Variants in TBCK observed in about 807,000 individuals in gnomAD.
The protein encoded by TBCK is TBC domain-containing protein kinase-like protein.
TBCK carries 99 observed loss-of-function variants against 113.4 expected under a neutral mutation model. That is an observed-to-expected ratio of 0.87 (90% CI 0.74 to 1.03). The LOEUF (loss-of-function observed/expected upper bound fraction) is 1.03. Among genes scored for constraint, TBCK ranks in the 50% least tolerant of loss-of-function variants. The probability of loss-of-function intolerance (pLI) is 0.00; values close to 1 mark genes in which losing one functional copy is unlikely to be tolerated. For synonymous variants in TBCK, 369 were observed against 370.8 expected (o/e 1.00, Z 0.05); for missense variants, 1,045 against 1,061.3 (o/e 0.98, Z 0.21).
chr4:106,229,506 G>GTA (rs1758617856), intron 19 of TBCK, among the ~76,000 whole-genome samples: 2 of 151,848 alleles, frequency 1.3e-5, no homozygotes, highest in South Asian at 4.1e-4. Flanking sequence ...GAGACTTTAA[G>GTA]AACAGTGAAT....
chr4:106,219,816 G>A (rs1282605883), intron 19 of TBCK, among the ~76,000 whole-genome samples: 1 of 151,910 alleles, frequency 6.6e-6, no homozygotes, highest in Non-Finnish European at 1.5e-5. Context: ...TGAGATTACA[G>A]GTGACAACCT....
chr4:106,128,752 A>G (rs1038363926), intron 23 of TBCK, among the ~76,000 whole-genome samples: 1 of 152,162 alleles, frequency 6.6e-6, no homozygotes, highest in Non-Finnish European at 1.5e-5. Flanking sequence ...AATAAATCAT[A>G]TTTTCTATTT....
intron 23 of TBCK, among the ~76,000 whole-genome samples, chr4:106,135,805 ACTAGTCT>A (rs1033269748): frequency 4.2e-5 from 6 of 141,632 alleles, no homozygotes; most frequent in African/African-American, 5.0e-5. Context: ...CAATGGAGAG[ACTAGTCT>A]CACTGAATTG....
At chr4:106,068,273 G>A (rs564424233) in intron 25 of TBCK, among the ~76,000 whole-genome samples, 4 of 152,088 alleles carry the variant, frequency 2.6e-5, no homozygotes, top group Admixed American at 1.3e-4. Flanking sequence ...TTTACATTAG[G>A]TATTTCTCCT....
chr4:106,079,748 T>G (rs1057087935), intron 25 of TBCK, among the ~76,000 whole-genome samples: 23 of 152,286 alleles, frequency 1.5e-4, no homozygotes, highest in African/African-American at 5.5e-4. Context: ...TGCCTGAGAC[T>G]GGGTATTCAT....
Position 106,236,335 on chromosome 4 carries a change from TA to T in TBCK, c.1350+54del, listed in dbSNP as rs984800345. ...ATTCCCTAAGAATTATTGAAAAAAT[TA>T]AAAAAAAATTCCATATGGGCTATTG... On this transcript the variant is annotated intron_variant, in intron 14 of 25. Transcript: ENST00000394708. The T allele has an allele frequency of 2.9e-4, 371 of 1,283,002 alleles. 1 individual carries two copies. Among genetic ancestry groups the T allele is most frequent in the Non-Finnish European group, 3.2e-4 (319 of 995,476 alleles). 79.5% of individuals were successfully genotyped at this position (1,283,002 alleles called of 1,614,324 possible). A position where few individuals can be genotyped will look rare whatever the true frequency, so the allele number is the denominator to read the frequency against.
At chr4:106,115,941 T>C (rs1450097156) in intron 24 of TBCK, among the ~76,000 whole-genome samples, 1 of 152,164 alleles carries the variant, frequency 6.6e-6, no homozygotes, top group Non-Finnish European at 1.5e-5. Context: ...AGAATAGCAA[T>C]ATACACCAGA....
At chr4:106,063,951 T>C (rs1192096880) in intron 25 of TBCK, among the ~76,000 whole-genome samples, 1 of 151,910 alleles carries the variant, frequency 6.6e-6, no homozygotes, top group Admixed American at 6.6e-5. Flanking sequence ...TCTTGTAGCC[T>C]GAATGAACAA....
intron 23 of TBCK, among the ~76,000 whole-genome samples, chr4:106,149,730 A>C (rs1281851867): frequency 2.0e-5 from 3 of 152,204 alleles, no homozygotes; most frequent in Non-Finnish European, 4.4e-5. Flanking sequence ...AGTATGACAC[A>C]AAGACACAAA....
chr4:106,130,185 G>GAT (rs1745715064), intron 23 of TBCK, among the ~76,000 whole-genome samples: 1 of 152,152 alleles, frequency 6.6e-6, no homozygotes, highest in Non-Finnish European at 1.5e-5. Context: ...GATGGAAAGA[G>GAT]ATACCTAGTG....
intron 25 of TBCK, among the ~76,000 whole-genome samples, chr4:106,094,519 G>A (rs1201844026): frequency 2.0e-5 from 3 of 152,022 alleles, no homozygotes; most frequent in Non-Finnish European, 4.4e-5. Flanking sequence ...AAAAAATAAA[G>A]TTTTAAAGTT....
chr4:106,259,247 A>G lies in TBCK; in HGVS notation c.455+1190T>C, dbSNP rs75314903. Among the ~76,000 whole-genome samples the G allele has an allele frequency of 7.1e-3, 1,078 of 151,956 alleles. 10 individuals are homozygous for G. The highest frequency in any genetic ancestry group is 9.9e-3 in the Non-Finnish European group (669 of 67,768). ...TTATAAAGAAAAAAGGGCAAGTTAT[A>G]TATGAGGCTGGCTTTAAAAAAAAAA... On this transcript the variant is annotated intron_variant, in intron 5 of 25. Coordinates refer to ENST00000394708, the MANE Select transcript of TBCK (RefSeq NM_001163435.3).
At chr4:106,147,950 G>A (rs371317066) in intron 23 of TBCK, among the ~76,000 whole-genome samples, 73 of 152,238 alleles carry the variant, frequency 4.8e-4, no homozygotes, top group Non-Finnish European at 2.9e-4. Flanking sequence ...GAGAACATGC[G>A]CCTGGGGGTG....
intron 24 of TBCK, among the ~76,000 whole-genome samples, chr4:106,115,855 G>A (rs915912404): frequency 1.3e-5 from 2 of 152,130 alleles, no homozygotes; most frequent in Non-Finnish European, 2.9e-5. Flanking sequence ...TAGGCTATGA[G>A]GTAAAACAGG....
rs1733919886 is a variant in TBCK at position 106,042,421 on chromosome 4, G to C, written c.*4149C>G. 1.3e-5 allele frequency: 2 copies of C among 151,928 alleles called. No individual in the cohort carries two copies. Among genetic ancestry groups the C allele is most frequent in the Admixed American group, 1.3e-4 (2 of 15,260 alleles). The allele number at this position is 151,928 out of a possible 1,614,324, so 9.4% of individuals were successfully genotyped here. A position where few individuals can be genotyped will look rare whatever the true frequency, so the allele number is the denominator to read the frequency against. On this transcript the variant is annotated 3_prime_UTR_variant, in exon 26 of 26. Transcript: ENST00000394708. ...GTCTCCCAGGCTGGAGTGCAGTGGA[G>C]CGATCTCGGCTCACTGCAAGCTCTG... is the stretch of plus-strand genomic sequence containing the variant.
rs536969885 is a variant in TBCK at position 106,309,305 on chromosome 4, C to CTT, written c.-29-318_-29-317dup. Among the ~76,000 whole-genome samples the CTT allele has an allele frequency of 4.5e-3, 469 of 103,158 alleles. 44 individuals are homozygous for CTT. The highest frequency in any genetic ancestry group is 0.022 in the East Asian group (68 of 3,048). The allele number at this position is 103,158 out of a possible 152,430, so 67.7% of individuals were successfully genotyped here. On this transcript the variant is annotated intron_variant, in intron 1 of 25. Coordinates refer to ENST00000394708, the MANE Select transcript of TBCK (RefSeq NM_001163435.3). ...TTCATATTATTAATAAGGCTCTTCT[C>CTT]TTTTTTTTTTTTTTTTTTTTTTTTT...
chr4:106,276,392 T>A (rs1764028993), intron 3 of TBCK, among the ~76,000 whole-genome samples: 2 of 152,020 alleles, frequency 1.3e-5, no homozygotes, highest in South Asian at 4.1e-4. Flanking sequence ...AGAAGAAAAA[T>A]TTGACACATT....
chr4:106,214,274 A>T (rs1756569397), intron 19 of TBCK, among the ~76,000 whole-genome samples: 1 of 152,226 alleles, frequency 6.6e-6, no homozygotes, highest in South Asian at 2.1e-4. Flanking sequence ...GGGAAAAAAC[A>T]GAACAGAAAA....
At chr4:106,161,115 G>A (rs532937361) in intron 23 of TBCK, among the ~76,000 whole-genome samples, 48 of 152,122 alleles carry the variant, frequency 3.2e-4, no homozygotes, top group African/African-American at 1.1e-3. Flanking sequence ...TATGGAGATA[G>A]ATGGTGGTGA....
Sources: gnomAD v4.1 joint callset for allele counts (sites outside exome capture counted in the v4.1 genomes callset) on GRCh38, gnomAD v4.1.1 for gene constraint, MANE v1.5 for transcripts, NCBI Gene and HGNC (gene_info 2026-07-23, HGNC 2026-07-21) for gene names.